Variants in GRID2 observed in about 807,000 individuals in gnomAD.
GRID2 encodes glutamate ionotropic receptor delta type subunit 2.
Under a neutral mutation model 114.8 loss-of-function variants are expected in GRID2, and 33 were observed. The ratio of observed to expected loss-of-function variants is 0.29; its 90% CI spans 0.22 to 0.38. The LOEUF (loss-of-function observed/expected upper bound fraction) is 0.38, where lower values mean the gene tolerates loss of function less well. GRID2 is among the 10% of genes least tolerant of loss of function. GRID2 has a pLI of 1.00. For synonymous variants in GRID2, 505 were observed against 449.9 expected (o/e 1.12, Z -1.55); for missense variants, 1,184 against 1,257.7 (o/e 0.94, Z 0.89).
intron 2 of GRID2, among the ~76,000 whole-genome samples, chr4:92,977,482 T>C (rs1753948544): frequency 6.6e-6 from 1 of 152,158 alleles, no homozygotes; most frequent in Non-Finnish European, 1.5e-5. Context: ...GAAGCAGGCA[T>C]GAGCCAGATC....
intron 2 of GRID2, among the ~76,000 whole-genome samples, chr4:92,948,825 C>T (rs1022604500): frequency 4.0e-5 from 6 of 151,830 alleles, no homozygotes; most frequent in Admixed American, 1.3e-4. Flanking sequence ...ATGAAATCTA[C>T]AGCATTTAAC....
intron 7 of GRID2, among the ~76,000 whole-genome samples, chr4:93,227,820 T>A (rs1579352041): frequency 6.6e-6 from 1 of 152,216 alleles, no homozygotes; most frequent in Admixed American, 6.5e-5. Context: ...TGGCTTTCAA[T>A]CCAGTTTCCA....
At chr4:93,428,069 A>C (rs975579383) in intron 10 of GRID2, among the ~76,000 whole-genome samples, 1 of 152,032 alleles carries the variant, frequency 6.6e-6, no homozygotes, top group Non-Finnish European at 1.5e-5. Flanking sequence ...TCTGAATTAG[A>C]TACAGTTGGA....
At chr4:92,360,445 C>A (rs1728558714) in intron 1 of GRID2, among the ~76,000 whole-genome samples, 2 of 151,794 alleles carry the variant, frequency 1.3e-5, no homozygotes, top group South Asian at 2.1e-4. Context: ...TAAACAAAAC[C>A]AAACCATTAC....
chr4:92,920,465 T>A (rs1476114998), intron 2 of GRID2, among the ~76,000 whole-genome samples: 2 of 152,250 alleles, frequency 1.3e-5, no homozygotes, highest in Non-Finnish European at 2.9e-5. Flanking sequence ...CAATTTGGCA[T>A]GTTTTTGCAG....
chr4:93,478,301 CG>C (rs2149443811), intron 11 of GRID2, among the ~76,000 whole-genome samples: 1 of 152,110 alleles, frequency 6.6e-6, no homozygotes, highest in Admixed American at 6.6e-5. Flanking sequence ...AACCAGCACC[CG>C]TTTAATTTGA....
At chr4:93,222,763 G>T (rs959726142) in intron 6 of GRID2, among the ~76,000 whole-genome samples, 1 of 152,012 alleles carries the variant, frequency 6.6e-6, no homozygotes, top group Non-Finnish European at 1.5e-5. Flanking sequence ...ATGGTTTCCA[G>T]CTTCATCCAT....
At chr4:92,443,776 C>G (rs1733273607) in intron 1 of GRID2, among the ~76,000 whole-genome samples, 1 of 152,154 alleles carries the variant, frequency 6.6e-6, no homozygotes, top group Non-Finnish European at 1.5e-5. Flanking sequence ...GGGTGAAGGA[C>G]CAAGGCAGGC....
intron 2 of GRID2, among the ~76,000 whole-genome samples, chr4:92,855,529 A>G (rs1744112624): frequency 1.3e-5 from 2 of 152,010 alleles, no homozygotes; most frequent in South Asian, 2.1e-4. Flanking sequence ...TAGTCATTCA[A>G]AATCTATCAC....
chr4:92,304,366 G>C lies in GRID2; in HGVS notation c.-291G>C, dbSNP rs1725268440. 11 of 445,844 alleles carry C rather than the reference G, an allele frequency of 2.5e-5. No homozygotes were observed. The highest frequency in any genetic ancestry group is 2.4e-4 in the South Asian group (11 of 45,904). 27.6% of individuals were successfully genotyped at this position (445,844 alleles called of 1,614,324 possible). A position where few individuals can be genotyped will look rare whatever the true frequency, so the allele number is the denominator to read the frequency against. On this transcript the variant is annotated 5_prime_UTR_variant, in exon 1 of 16. Coordinates refer to ENST00000282020, the MANE Select transcript of GRID2 (RefSeq NM_001510.4). ...CAGCCTCTCCCCCTGCCCAAGAGCA[G>C]TAGAGGCTGGATATATTTTTCAAAA...
At chr4:92,686,117 T>G (rs148574417) in intron 2 of GRID2, among the ~76,000 whole-genome samples, 8 of 152,064 alleles carry the variant, frequency 5.3e-5, no homozygotes, top group African/African-American at 1.9e-4. Context: ...CTTCATTCAT[T>G]GCTTAAAGAT....
intron 8 of GRID2, among the ~76,000 whole-genome samples, chr4:93,314,775 A>T (rs1756406466): frequency 6.6e-6 from 1 of 152,032 alleles, no homozygotes; most frequent in Non-Finnish European, 1.5e-5. Context: ...TCACACATAG[A>T]TATATATTGT....
At chr4:93,024,890 G>A (rs1310138684) in intron 2 of GRID2, among the ~76,000 whole-genome samples, 2 of 151,662 alleles carry the variant, frequency 1.3e-5, no homozygotes, top group South Asian at 2.1e-4. Flanking sequence ...GCAACAAGGA[G>A]GAAGAGAAAG....
At chr4:92,750,293 C>T (rs1737386955) in intron 2 of GRID2, among the ~76,000 whole-genome samples, 1 of 152,196 alleles carries the variant, frequency 6.6e-6, no homozygotes, top group Non-Finnish European at 1.5e-5. Flanking sequence ...AGAAATACTT[C>T]CTCCAAACAG....
intron 1 of GRID2, among the ~76,000 whole-genome samples, chr4:92,371,820 A>C (rs943554163): frequency 2.0e-5 from 3 of 152,196 alleles, no homozygotes; most frequent in Admixed American, 2.0e-4. Flanking sequence ...GATTCTCATA[A>C]TAGACCTGGG....
chr4:92,476,433 T>C (rs772287206), intron 1 of GRID2, among the ~76,000 whole-genome samples: 3 of 152,170 alleles, frequency 2.0e-5, no homozygotes, highest in Non-Finnish European at 4.4e-5. Context: ...TCTTTATCTA[T>C]AGAGGATGAA....
chr4:93,733,406 T>C (rs1345133881), intron 14 of GRID2, among the ~76,000 whole-genome samples: 1 of 152,172 alleles, frequency 6.6e-6, no homozygotes, highest in African/African-American at 2.4e-5. Context: ...AGATCAAAAC[T>C]AGTTTCTAAC....
intron 1 of GRID2, among the ~76,000 whole-genome samples, chr4:92,344,229 G>A (rs192333051): frequency 1.1e-3 from 161 of 152,052 alleles, no homozygotes; most frequent in Admixed American, 2.5e-3. Flanking sequence ...ATGCCATCTG[G>A]GTTTCTTTAA....
intron 14 of GRID2, among the ~76,000 whole-genome samples, chr4:93,705,328 C>CTTT (rs971264770): frequency 6.9e-6 from 1 of 144,150 alleles, no homozygotes. Flanking sequence ...TTTCTTTTTT[C>CTTT]TTTTTTTTTT....
Sources: allele counts gnomAD v4.1 joint callset (sites outside exome capture counted in the v4.1 genomes callset), GRCh38; gene constraint gnomAD v4.1.1; transcripts MANE v1.5; gene names NCBI Gene and HGNC (gene_info 2026-07-23, HGNC 2026-07-21).